SLC25A13: variants seen among roughly 807,000 people sequenced by gnomAD.
SLC25A13 encodes the protein solute carrier family 25 member 13.
In SLC25A13, 70 loss-of-function variants were observed where a neutral mutation model predicts 85.5. The ratio of observed to expected loss-of-function variants is 0.82; its 90% CI spans 0.68 to 1.00. The LOEUF (loss-of-function observed/expected upper bound fraction) is 1.00. SLC25A13 is among the 50% of genes least tolerant of loss of function. The pLI is 0.00. For synonymous variants in SLC25A13, 259 were observed against 288.7 expected, an observed-to-expected ratio of 0.90 and a Z score of 1.04; for missense variants, 765 against 819.8, an observed-to-expected ratio of 0.93 and a Z score of 0.82.
chr7:96,234,044 T>A (rs913956197), intron 4 of SLC25A13, among the ~76,000 whole-genome samples: 2 of 152,236 alleles, frequency 1.3e-5, no homozygotes, highest in African/African-American at 4.8e-5. Flanking sequence ...CAGATTTGCA[T>A]GCAGAGACAA....
At chr7:96,123,121 C>G (rs1791583312) in intron 15 of SLC25A13, among the ~76,000 whole-genome samples, 1 of 152,186 alleles carries the variant, frequency 6.6e-6, no homozygotes, top group African/African-American at 2.4e-5. Context: ...CCTAGCTCCT[C>G]AAACATTAAT....
At chr7:96,243,783 T>C (rs1039991754) in intron 3 of SLC25A13, among the ~76,000 whole-genome samples, 5 of 151,976 alleles carry the variant, frequency 3.3e-5, no homozygotes, top group African/African-American at 1.2e-4. Context: ...CCTTGTTAAG[T>C]TCCAAAGGGC....
Position 96,277,218 on chromosome 7 carries a change from C to T in SLC25A13, c.190G>A (p.Val64Met). 2 of 1,601,996 alleles carry T rather than the reference C, an allele frequency of 1.2e-6. No homozygotes were observed. Among genetic ancestry groups the T allele is most frequent in the Non-Finnish European group, 1.7e-6 (2 of 1,173,542 alleles). The part of the protein sequence containing the change: ...NPKTVELLSG[V>M]VDQTKDGLIS... ...TACCCATCTTTGGTCTGATCCACCA[C>T]TCCACTTAAAAGTTCCACAGTCTTT... The change falls in exon 3 of 18, where the codon GTG (valine) becomes ATG (methionine). Residue 64 changes from valine to methionine, a missense_variant. Coordinates refer to ENST00000265631, the MANE Select transcript of SLC25A13 (RefSeq NM_014251.3).
intron 5 of SLC25A13, among the ~76,000 whole-genome samples, chr7:96,193,615 A>T (rs1794945048): frequency 6.6e-6 from 1 of 152,216 alleles, no homozygotes; most frequent in African/African-American, 2.4e-5. Flanking sequence ...GTACCCAAAC[A>T]CATGATGTAA....
chr7:96,288,560 C>T (rs192616964), intron 2 of SLC25A13, among the ~76,000 whole-genome samples: 23 of 152,326 alleles, frequency 1.5e-4, no homozygotes, highest in African/African-American at 5.5e-4. Flanking sequence ...AAAATCGGGT[C>T]ACTCCCACCC....
chr7:96,187,494 T>G (rs1794684544), intron 9 of SLC25A13, among the ~76,000 whole-genome samples: 1 of 152,200 alleles, frequency 6.6e-6, no homozygotes, highest in African/African-American at 2.4e-5. Context: ...AATAGTACCT[T>G]CATTTTGACA....
At chr7:96,207,090 C>A (rs972560820) in intron 5 of SLC25A13, among the ~76,000 whole-genome samples, 2 of 152,144 alleles carry the variant, frequency 1.3e-5, no homozygotes, top group South Asian at 4.1e-4. Flanking sequence ...TTACATTCTC[C>A]ATCTGAGTTA....
intron 5 of SLC25A13, among the ~76,000 whole-genome samples, chr7:96,204,256 G>C (rs1014112725): frequency 6.6e-6 from 1 of 152,166 alleles, no homozygotes; most frequent in Non-Finnish European, 1.5e-5. Context: ...ACATTATACA[G>C]ATATTAGTTA....
intron 15 of SLC25A13, among the ~76,000 whole-genome samples, chr7:96,123,986 T>G (rs758877898): frequency 1.3e-5 from 2 of 152,192 alleles, no homozygotes; most frequent in Non-Finnish European, 2.9e-5. Flanking sequence ...AGATGCTTCC[T>G]CTAGGTCCCT....
chr7:96,214,419 C>T (rs1795809813), intron 4 of SLC25A13, among the ~76,000 whole-genome samples: 1 of 152,112 alleles, frequency 6.6e-6, no homozygotes, highest in Admixed American at 6.6e-5. Flanking sequence ...AATAAGCAAT[C>T]CAAAAATGAA....
At chr7:96,206,992 T>C (rs2116709924) in intron 5 of SLC25A13, among the ~76,000 whole-genome samples, 1 of 152,314 alleles carries the variant, frequency 6.6e-6, no homozygotes, top group South Asian at 2.1e-4. Context: ...AATAACATTA[T>C]TGTCATTATT....
chr7:96,240,611 G>C (rs115488750), intron 3 of SLC25A13, among the ~76,000 whole-genome samples: 4,053 of 152,000 alleles, frequency 0.027, 183 homozygotes, highest in African/African-American at 0.093. Flanking sequence ...GGGTGTGGCA[G>C]CTCATGTCTA....
chr7:96,277,072 G>T (rs1798479962), intron 3 of SLC25A13, 124 bp downstream of exon 3: 2 of 876,990 alleles, frequency 2.3e-6, no homozygotes, highest in Non-Finnish European at 1.7e-6. Context: ...AATAATAGTA[G>T]TAAGTACAGA....
At chr7:96,222,550 A>G (rs2116767069) in intron 4 of SLC25A13, among the ~76,000 whole-genome samples, 1 of 152,256 alleles carries the variant, frequency 6.6e-6, no homozygotes, top group South Asian at 2.1e-4. Flanking sequence ...GGTTCAAGTT[A>G]TTCTCCTGCC....
Position 96,189,297 on chromosome 7 carries a change from C to A in SLC25A13, c.930G>T (p.Arg310Ser), listed in dbSNP as rs755512817. 2 of 1,613,902 alleles carry A rather than the reference C, an allele frequency of 1.2e-6. No individual in the cohort carries two copies. The highest frequency in any genetic ancestry group is 1.7e-6 in the Non-Finnish European group (2 of 1,179,974). The part of the protein sequence containing the change: ...TLPFNLAEAQ[R>S]QKASGDSARP... ...AAGTTTGCTCCTCTTTGCTCACCTG[C>A]CTCTGGGCCTCAGCCAAGTTAAAGG... Residue 310 changes from arginine to serine, a missense_variant, in exon 9 of 18, where the codon AGG (arginine) becomes AGT (serine). Transcript: ENST00000265631.
intron 4 of SLC25A13, among the ~76,000 whole-genome samples, chr7:96,215,029 G>A (rs1009667109): frequency 9.9e-5 from 15 of 152,124 alleles, no homozygotes; most frequent in Admixed American, 5.9e-4. Flanking sequence ...TGGTTGGCTT[G>A]TTTGCAAAAA....
chr7:96,312,625 C>T (rs1423860155), intron 1 of SLC25A13, among the ~76,000 whole-genome samples: 1 of 88,442 alleles, frequency 1.1e-5, no homozygotes, highest in Non-Finnish European at 2.7e-5. Context: ...ACAGTGTAGG[C>T]ACTGACAAAC....
At chr7:96,282,846 G>A (rs1798738959) in intron 2 of SLC25A13, among the ~76,000 whole-genome samples, 1 of 151,920 alleles carries the variant, frequency 6.6e-6, no homozygotes, top group African/African-American at 2.4e-5. Context: ...AAACATAAAT[G>A]GCCAATAAAC....
rs1255931589 is a variant in SLC25A13 at position 96,120,579 on chromosome 7, T to C, written c.*612A>G. The C allele has an allele frequency of 2.2e-6, 1 of 454,562 alleles. No homozygotes were observed. The highest frequency in any genetic ancestry group is 4.4e-6 in the Non-Finnish European group (1 of 226,782). The allele number at this position is 454,562 out of a possible 1,614,324, so 28.2% of individuals were successfully genotyped here. On this transcript the variant is annotated 3_prime_UTR_variant, in exon 18 of 18. Coordinates refer to ENST00000265631, the MANE Select transcript of SLC25A13 (RefSeq NM_014251.3). ...TCCCTAAAGTACAAAGGCATTTCCC[T>C]AGTAGTCTTGGTACCAGTAACAATA...
Sources: allele counts gnomAD v4.1 joint callset (sites outside exome capture counted in the v4.1 genomes callset), GRCh38; gene constraint gnomAD v4.1.1; transcripts MANE v1.5; gene names NCBI Gene and HGNC (gene_info 2026-07-23, HGNC 2026-07-21).